AHRR: variants seen among roughly 807,000 people sequenced by gnomAD.
The protein encoded by AHRR is ahR repressor.
AHRR carries 28 observed loss-of-function variants against 44.0 expected under a neutral mutation model. The ratio of observed to expected loss-of-function variants is 0.64; its 90% CI spans 0.47 to 0.87. The LOEUF is 0.87. Ranked by LOEUF, AHRR falls within the 40% of genes least tolerant of loss-of-function variation. AHRR has a pLI of 0.00. For missense variants in AHRR, 990 were observed against 953.9 expected, an observed-to-expected ratio of 1.04 and a Z score of -0.50; for synonymous variants, 434 against 407.0, an observed-to-expected ratio of 1.07 and a Z score of -0.80.
intron 8 of AHRR, among the ~76,000 whole-genome samples, chr5:430,210 C>G (rs552508511): frequency 1.3e-5 from 2 of 152,230 alleles, no homozygotes; most frequent in East Asian, 3.8e-4. Context: ...TTTTTAGATG[C>G]GGTCTTGACT....
intron 4 of AHRR, among the ~76,000 whole-genome samples, chr5:381,019 A>G (rs1733958919): frequency 6.6e-6 from 1 of 152,254 alleles, no homozygotes; most frequent in Non-Finnish European, 1.5e-5. Flanking sequence ...CTAAGAGCTG[A>G]GGAACCTGGA....
At chr5:368,795 C>G (rs1313364897) in intron 3 of AHRR, among the ~76,000 whole-genome samples, 1 of 152,234 alleles carries the variant, frequency 6.6e-6, no homozygotes, top group Admixed American at 6.5e-5. Context: ...GTGGGCACTG[C>G]CAGCTGCAGC....
In AHRR at chr5:405,857, C is replaced by A. The variant is rs996724463; in HGVS notation, c.352-7487C>A. Among the ~76,000 whole-genome samples the A allele has an allele frequency of 2.6e-5, 4 of 152,188 alleles. No homozygotes were observed. ...CTGATTGAAAAATATGGCTTTGCAGCCTAGCAAGGCTCTCGGTCTGAGGCT... is the reference window on the plus strand; with the variant it reads ...CTGATTGAAAAATATGGCTTTGCAGACTAGCAAGGCTCTCGGTCTGAGGCT... On this transcript the variant is annotated intron_variant, in intron 4 of 10. Coordinates refer to ENST00000684583, the MANE Select transcript of AHRR (RefSeq NM_001377236.1). The surrounding 1 kb of genome is among the most constrained non-coding windows in gnomAD (Gnocchi z 4.5).
rs1027848321 is a variant in AHRR at position 437,221 on chromosome 5, G to GA, written c.*2392dup. On this transcript the variant is annotated 3_prime_UTR_variant, in exon 11 of 11. Coordinates refer to ENST00000684583, the MANE Select transcript of AHRR (RefSeq NM_001377236.1). ...TAAAAATCAGATCTGCTGTATCCCT[G>GA]AAAAAGTCTCAATCAACATGCATGT... 1 of 152,226 alleles carries GA rather than the reference G, an allele frequency of 6.6e-6. No individual in the cohort carries two copies. Among genetic ancestry groups the GA allele is most frequent in the Non-Finnish European group, 1.5e-5 (1 of 68,000 alleles). The allele number at this position is 152,226 out of a possible 1,614,324, so 9.4% of individuals were successfully genotyped here.
At chr5:425,323 T>G (rs542319644) in intron 7 of AHRR, among the ~76,000 whole-genome samples, 1 of 152,174 alleles carries the variant, frequency 6.6e-6, no homozygotes, top group Admixed American at 6.5e-5. Flanking sequence ...TTTTATTTAT[T>G]TATTTATTTA....
At chr5:402,940 C>G (rs780831839) in intron 4 of AHRR, among the ~76,000 whole-genome samples, 1 of 152,058 alleles carries the variant, frequency 6.6e-6, no homozygotes, top group African/African-American at 2.4e-5. Context: ...ATAAGTCATG[C>G]ACAGACAGTT....
chr5:371,514 C>T (rs1365521897), intron 3 of AHRR, among the ~76,000 whole-genome samples: 3 of 152,220 alleles, frequency 2.0e-5, no homozygotes, highest in Non-Finnish European at 4.4e-5. Context: ...GTCCCATTCC[C>T]TGGGCAGGTG....
intron 1 of AHRR, among the ~76,000 whole-genome samples, chr5:327,988 T>C (rs1487581773): frequency 6.6e-6 from 1 of 152,102 alleles, no homozygotes. Flanking sequence ...CCTGTGTCCA[T>C]GCGTTCTCAT....
intron 3 of AHRR, 51 bp from the exon 4 acceptor site, chr5:376,559 T>TGAATGAATGAGACACGC: frequency 4.1e-6 from 1 of 241,106 alleles, no homozygotes; most frequent in Non-Finnish European, 7.4e-6. Flanking sequence ...TGAAGAAGAG[T>TGAATGAATGAGACACGC]GGCCAGGCCA....
Position 343,238 on chromosome 5 carries a change from C to CGT in AHRR, c.-10-655_-10-654insGT, listed in dbSNP as rs1459025736. ...GAGGTGACAGAAACACGGGACCCCA[C>CGT]ATACCTTCTCGGGGTGACAGGAACA... On this transcript the variant is annotated intron_variant, in intron 1 of 10. Transcript: ENST00000684583. Among the ~76,000 whole-genome samples the CGT allele has an allele frequency of 5.4e-5, 8 of 148,094 alleles. 1 individual carries two copies. Among genetic ancestry groups the CGT allele is most frequent in the African/African-American group, 1.2e-4 (5 of 40,978 alleles).
At chr5:373,135 C>T (rs951867630) in intron 3 of AHRR, among the ~76,000 whole-genome samples, 9 of 152,240 alleles carry the variant, frequency 5.9e-5, no homozygotes, top group African/African-American at 2.2e-4. Flanking sequence ...AGGTTCTGCG[C>T]GGTTGGCAGA....
rs1376136747 is a variant in AHRR, at chr5:405,778, A to G, written c.352-7566A>G. On this transcript the variant is annotated intron_variant, in intron 4 of 10. Transcript: ENST00000684583. The surrounding 1 kb of genome is among the most constrained non-coding windows in gnomAD (Gnocchi z 4.5). ...CAGACTGTTGAGTTGGTCTTTGACA[A>G]GTGTTTCTTTTATATTTTCACGGCA... is the stretch of plus-strand genomic sequence containing the variant. Among the ~76,000 whole-genome samples the G allele has an allele frequency of 6.6e-6, 1 of 152,246 alleles. No individual in the cohort carries two copies. Among genetic ancestry groups the G allele is most frequent in the Non-Finnish European group, 1.5e-5 (1 of 68,046 alleles).
intron 2 of AHRR, among the ~76,000 whole-genome samples, chr5:344,208 G>A (rs1414656201): frequency 6.6e-6 from 1 of 150,990 alleles, no homozygotes; most frequent in Admixed American, 6.6e-5. Context: ...GGAGCGAGGC[G>A]GCGGGCACCG....
At chr5:426,823 TGATG>T (rs886739805) in intron 7 of AHRR, among the ~76,000 whole-genome samples, 1 of 139,008 alleles carries the variant, frequency 7.2e-6, no homozygotes, top group African/African-American at 2.8e-5. Flanking sequence ...GATGGGAATA[TGATG>T]GATGGGTGGA....
At position 370,920 on chromosome 5, in the gene AHRR, C is replaced by T. The variant is rs146625283; in HGVS notation, c.245-5690C>T. Among the ~76,000 whole-genome samples, 3 of 152,242 alleles carry T rather than the reference C, an allele frequency of 2.0e-5. No homozygotes were observed. The East Asian group carries it at 5.8e-4, about 30-fold the overall frequency. On this transcript the variant is annotated intron_variant, in intron 3 of 10. Transcript: ENST00000684583. This position sits in a 1 kb window ranked among gnomAD's most constrained non-coding sequence, Gnocchi z 4.5. The stretch of plus-strand genomic sequence containing the variant: ...TCGGCCGACCTCGGGCCGGGCTTTA[C>T]AGGGCATGTCAGTTAGGGCTCTGCA...
intron 4 of AHRR, among the ~76,000 whole-genome samples, chr5:381,974 T>G (rs913106116): frequency 4.6e-5 from 7 of 152,250 alleles, no homozygotes; most frequent in Non-Finnish European, 1.0e-4. Flanking sequence ...CTTTAGACTG[T>G]CAATGTTGTA....
At chr5:381,249 G>T (rs1026501570) in intron 4 of AHRR, among the ~76,000 whole-genome samples, 11 of 152,192 alleles carry the variant, frequency 7.2e-5, no homozygotes, top group African/African-American at 2.7e-4. Context: ...TTCTCCACCA[G>T]CTGTCTAGGC....
chr5:421,661 C>A (rs566063878), intron 5 of AHRR, among the ~76,000 whole-genome samples: 1 of 152,184 alleles, frequency 6.6e-6, no homozygotes, highest in African/African-American at 2.4e-5. Context: ...CTCTGTTCAC[C>A]GCTTTCTGTG....
chr5:368,063 TACATA>T (rs1212450135), intron 3 of AHRR: 9 of 611,578 alleles, frequency 1.5e-5, no homozygotes, highest in Admixed American at 1.1e-4. Context: ...AATTCATGGT[TACATA>T]ACATAATAAA....
Sources: allele counts gnomAD v4.1 joint callset (sites outside exome capture counted in the v4.1 genomes callset), GRCh38; gene constraint gnomAD v4.1.1; non-coding constraint Gnocchi (gnomAD v3.1); transcripts MANE v1.5; gene names NCBI Gene and HGNC (gene_info 2026-07-23, HGNC 2026-07-21).